The following SCRIB variants were observed in gnomAD, a reference collection of about 807,000 sequenced individuals.
The protein encoded by SCRIB is protein scribble homolog.
In SCRIB, 72 loss-of-function variants were observed where a neutral mutation model predicts 170.0. The observed-to-expected ratio is 0.42, with a 90% CI of 0.35 to 0.52. The LOEUF (loss-of-function observed/expected upper bound fraction) is 0.52. SCRIB is among the 20% of genes least tolerant of loss of function. SCRIB has a pLI of 0.02. For missense variants in SCRIB, 2,475 were observed against 2,338.5 expected (o/e 1.06, Z -1.20); for synonymous variants, 1,298 against 1,044.3 (o/e 1.24, Z -4.68).
chr8:143,791,616 G>C, intron 35 of SCRIB, 50 bp downstream of exon 35: 1 of 1,533,116 alleles, frequency 6.5e-7, no homozygotes, highest in Non-Finnish European at 9.0e-7. Context: ...TGGGGGCGGT[G>C]GCAGGCACGG....
chr8:143,809,003 T>C lies in SCRIB; in HGVS notation c.1721A>G (p.Asp574Gly). ...CCTGTCATCCCCGGGCAGCAGTGCGTCCTCTGCGAAATGCACCGTGGGCTG... is the reference window on the plus strand; with the variant it reads ...CCTGTCATCCCCGGGCAGCAGTGCGCCCTCTGCGAAATGCACCGTGGGCTG... ...YQEPTVHFAE[D>G]ALLPGDDREI... Residue 574 changes from aspartate to glycine, a missense_variant, in exon 15 of 37, where the codon GAC (aspartate) becomes GGC (glycine). Physicochemically the swap from Asp to Gly is moderately conservative, Grantham distance 94. Around this residue, in one of 3 missense-constraint regions of SCRIB, gnomAD observed 1,966 missense variants for 1,742.9 expected, o/e 1.13. Transcript: ENST00000356994. 1 of 1,612,734 alleles carries C rather than the reference T, an allele frequency of 6.2e-7. No individual in the cohort carries two copies. Among genetic ancestry groups the C allele is most frequent in the East Asian group, 2.2e-5 (1 of 44,864 alleles).
intron 27 of SCRIB, 159 bp from the exon 28 acceptor site, chr8:143,794,121 G>A (rs1337584292): frequency 2.1e-5 from 14 of 651,786 alleles, no homozygotes; most frequent in Admixed American, 8.1e-5. Context: ...CGGTCAGCAC[G>A]GAGGGGCTCG....
intron 8 of SCRIB, 106 bp downstream of exon 8, chr8:143,812,711 T>C: frequency 7.0e-7 from 1 of 1,431,494 alleles, no homozygotes; most frequent in Non-Finnish European, 9.5e-7. Context: ...CTGGGCACAC[T>C]CAGGATCCTC....
At chr8:143,813,267 C>G (rs373565579) in intron 6 of SCRIB, 44 bp downstream of exon 6, 1 of 1,611,278 alleles carries the variant, frequency 6.2e-7, no homozygotes, top group African/African-American at 1.3e-5. Flanking sequence ...CCCTTGCTTC[C>G]GTGGCCCGCC....
At position 143,815,318 on chromosome 8, in the gene SCRIB, T is replaced by G. The variant is rs1586543634; in HGVS notation, c.55A>C (p.Lys19Gln). 6 of 1,579,514 alleles carry G rather than the reference T, an allele frequency of 3.8e-6. No homozygotes were observed. Among genetic ancestry groups the G allele is most frequent in the Non-Finnish European group, 5.1e-6 (6 of 1,165,342 alleles). ...ACGGCCTGCAGCGAACAGTGCCGCTTGTCCACCGACTCCACGTGCCGGTTG... is the reference window on the plus strand; with the variant it reads ...ACGGCCTGCAGCGAACAGTGCCGCTGGTCCACCGACTCCACGTGCCGGTTG... ...RCNRHVESVD[K>Q]RHCSLQAVPE... The change falls in exon 1 of 37, where the codon AAG (lysine) becomes CAG (glutamine). Residue 19 changes from lysine to glutamine, a missense_variant. Around this residue, in one of 3 missense-constraint regions of SCRIB, gnomAD observed 487 missense variants for 558.1 expected, o/e 0.87. Transcript: ENST00000356994.
chr8:143,803,354 G>C (rs953713428), intron 24 of SCRIB, 29 bp downstream of exon 24: 24 of 1,522,370 alleles, frequency 1.6e-5, no homozygotes, highest in Non-Finnish European at 2.0e-5. Flanking sequence ...GCCAGAGGGA[G>C]GCCCGGTCCC....
chr8:143,792,147 C>G lies in SCRIB; in HGVS notation c.4515-14G>C. The G allele has an allele frequency of 6.4e-7, 1 of 1,560,256 alleles. No homozygotes were observed. The highest frequency in any genetic ancestry group is 1.2e-5 in the South Asian group (1 of 85,684). On this transcript the variant is annotated splice_polypyrimidine_tract_variant and intron_variant, in intron 32 of 36. Transcript: ENST00000356994. ...AATGACTTCATCCTGCAGAGAACAG[C>G]GGGCAGGGGTGACTTGGGGCAGGAG...
At position 143,803,398 on chromosome 8, in the gene SCRIB, G is replaced by A. The variant is rs1201895776; in HGVS notation, c.3588C>T (p.Thr1196=). ...GATCGCTAACCTCCAGGGCTGCGTC[G>A]GTGCTGGCCTCAAAGCCGTCACAGA... ...VLVCDGFEAS[T]DAALEVSPGV... The change falls in exon 24 of 37, where the codon ACC becomes ACT. Residue 1196 remains threonine (T), a synonymous_variant. Transcript: ENST00000356994. 34 of 1,581,292 alleles carry A rather than the reference G, an allele frequency of 2.2e-5. No individual in the cohort carries two copies. The highest frequency in any genetic ancestry group is 1.1e-4 in the African/African-American group (8 of 74,396).
rs782228647 is a variant in SCRIB, at chr8:143,792,145, A to G, written c.4515-12T>C. ...CCAATGACTTCATCCTGCAGAGAACAGCGGGCAGGGGTGACTTGGGGCAGG... is the reference window on the plus strand; with the variant it reads ...CCAATGACTTCATCCTGCAGAGAACGGCGGGCAGGGGTGACTTGGGGCAGG... On this transcript the variant is annotated splice_polypyrimidine_tract_variant and intron_variant, in intron 32 of 36. Coordinates refer to ENST00000356994, the MANE Select transcript of SCRIB (RefSeq NM_182706.5). 6.4e-7 allele frequency: 1 copy of G among 1,564,154 alleles called. No individual in the cohort carries two copies. The highest frequency in any genetic ancestry group is 8.6e-7 in the Non-Finnish European group (1 of 1,160,376).
intron 9 of SCRIB, among the ~76,000 whole-genome samples, chr8:143,811,819 C>T (rs1002571882): frequency 6.6e-6 from 1 of 152,172 alleles, no homozygotes; most frequent in African/African-American, 2.4e-5. Flanking sequence ...AACACCCTCC[C>T]CACAGCTAGC....
chr8:143,797,679 T>G lies in SCRIB; in HGVS notation c.3604-2149A>C, dbSNP rs182265633. Among the ~76,000 whole-genome samples the G allele has an allele frequency of 5.9e-5, 9 of 152,270 alleles. No homozygotes were observed. In the South Asian group the frequency reaches 1.0e-3, roughly 18 times the overall value. ...GCCAAGATGCACACGCTGAAGCCTGTGAGGACATCAGACCCAGCGTGGGGG... is the reference window on the plus strand; with the variant it reads ...GCCAAGATGCACACGCTGAAGCCTGGGAGGACATCAGACCCAGCGTGGGGG... On this transcript the variant is annotated intron_variant, in intron 24 of 36. Transcript: ENST00000356994.
intron 24 of SCRIB, among the ~76,000 whole-genome samples, chr8:143,796,498 C>T (rs1277753560): frequency 1.3e-5 from 2 of 152,058 alleles, no homozygotes; most frequent in African/African-American, 4.8e-5. Context: ...AGGGGCTGCT[C>T]AGGCCGGGGG....
chr8:143,815,193 C>A, intron 1 of SCRIB, 21 bp downstream of exon 1: 1 of 1,550,424 alleles, frequency 6.4e-7, no homozygotes, highest in Non-Finnish European at 8.7e-7. Flanking sequence ...CTTTGGGCGG[C>A]AGGTGCGGGC....
At chr8:143,809,753 C>T in intron 13 of SCRIB, 35 bp from the exon 14 acceptor site, 1 of 1,591,398 alleles carries the variant, frequency 6.3e-7, no homozygotes. Context: ...TTCGACGGAG[C>T]TCCCGACTCA....
rs766436898 is a variant in SCRIB, at chr8:143,815,317, T to C, written c.56A>G (p.Lys19Arg). 4 of 1,579,920 alleles carry C rather than the reference T, an allele frequency of 2.5e-6. No individual in the cohort carries two copies. The highest frequency in any genetic ancestry group is 4.9e-5 in the East Asian group (2 of 41,024). The change falls in exon 1 of 37, where the codon AAG (lysine) becomes AGG (arginine). Residue 19 changes from lysine (K) to arginine (R), a missense_variant. This residue lies in a region of SCRIB where 487 missense variants were observed against 558.1 expected (regional missense o/e 0.87). Transcript: ENST00000356994. ...CACGGCCTGCAGCGAACAGTGCCGC[T>C]TGTCCACCGACTCCACGTGCCGGTT... is the stretch of plus-strand genomic sequence containing the variant. ...RCNRHVESVDKRHCSLQAVPE... is the reference protein window; with the variant it reads ...RCNRHVESVDRRHCSLQAVPE...
chr8:143,815,150 T>G (rs1393612590), intron 1 of SCRIB, 64 bp downstream of exon 1: 7 of 1,437,674 alleles, frequency 4.9e-6, no homozygotes, highest in African/African-American at 1.5e-5. Flanking sequence ...GGGCAGATTC[T>G]GCCGCCGGAG....
At chr8:143,807,301 C>T (rs1328827502) in intron 16 of SCRIB, among the ~76,000 whole-genome samples, 1 of 152,216 alleles carries the variant, frequency 6.6e-6, no homozygotes, top group Non-Finnish European at 1.5e-5. Flanking sequence ...GACTGCGCTG[C>T]CTCCGCAGGC....
intron 24 of SCRIB, among the ~76,000 whole-genome samples, chr8:143,796,754 GTTTCTGAAA>G (rs1166835783): frequency 1.3e-5 from 2 of 152,306 alleles, no homozygotes; most frequent in Admixed American, 6.5e-5. Context: ...TGTCTTCTCA[GTTTCTGAAA>G]TAACAAGTCA....
Position 143,807,603 on chromosome 8 carries a change from A to C in SCRIB, c.2127T>G (p.Phe709Leu). ...CTATCAGCAGGTTATTGGCCTGGTC[A>C]AACGACACTCCCTGTTAGGACAGGA... The part of the protein sequence containing the change: ...VSAPSVKGVS[F>L]DQANNLLIEP... Residue 709 changes from phenylalanine to leucine, a missense_variant, in exon 16 of 37, where the codon TTT (phenylalanine) becomes TTG (leucine). By Grantham distance (22) the Phe-to-Leu change is conservative. This residue lies in a region of SCRIB where 1,966 missense variants were observed against 1,742.9 expected (regional missense o/e 1.13). Coordinates refer to ENST00000356994, the MANE Select transcript of SCRIB (RefSeq NM_182706.5). 1 of 1,613,918 alleles carries C rather than the reference A, an allele frequency of 6.2e-7. No individual in the cohort carries two copies. Among genetic ancestry groups the C allele is most frequent in the East Asian group, 2.2e-5 (1 of 44,858 alleles).
Sources: allele counts gnomAD v4.1 joint callset (sites outside exome capture counted in the v4.1 genomes callset), GRCh38; gene constraint gnomAD v4.1.1; regional missense constraint gnomAD v4.1.1; transcripts MANE v1.5; gene names NCBI Gene and HGNC (gene_info 2026-07-23, HGNC 2026-07-21).